The following MYO16 variants were observed in gnomAD, a reference collection of about 807,000 sequenced individuals.
MYO16 encodes the protein unconventional myosin-XVI.
In MYO16, 94 loss-of-function variants were observed where a neutral mutation model predicts 205.3. The observed-to-expected ratio is 0.46, with a 90% CI of 0.39 to 0.54. The LOEUF is 0.54. Among genes scored for constraint, MYO16 ranks in the 20% least tolerant of loss-of-function variants. MYO16 has a pLI of 0.00. For missense variants in MYO16, 2,315 were observed against 2,387.5 expected (o/e 0.97, Z 0.63); for synonymous variants, 988 against 954.0 (o/e 1.04, Z -0.66).
chr13:109,031,736 C>T (rs1156504103), intron 23 of MYO16, among the ~76,000 whole-genome samples: 1 of 152,084 alleles, frequency 6.6e-6, no homozygotes, highest in Non-Finnish European at 1.5e-5. Context: ...AAAATATATT[C>T]GGCAAGATTA....
At chr13:109,056,838 T>A (rs1338357504) in intron 27 of MYO16, among the ~76,000 whole-genome samples, 1 of 152,140 alleles carries the variant, frequency 6.6e-6, no homozygotes, top group Non-Finnish European at 1.5e-5. Flanking sequence ...TAATTCTATA[T>A]AAAATAAATG....
intron 4 of MYO16, among the ~76,000 whole-genome samples, chr13:108,770,495 A>C (rs1885926080): frequency 6.6e-6 from 1 of 152,156 alleles, no homozygotes; most frequent in Non-Finnish European, 1.5e-5. Flanking sequence ...CGTGCCTTTT[A>C]AAAAATCTGT....
the MYO16 span, among the ~76,000 whole-genome samples, chr13:108,561,547 G>C: frequency 3.3e-5 from 5 of 152,160 alleles, no homozygotes; most frequent in Non-Finnish European, 7.3e-5. Flanking sequence ...CTGAAACTGA[G>C]GTTAGGTATT....
chr13:108,550,853 G>T, the MYO16 span, among the ~76,000 whole-genome samples: 2 of 152,158 alleles, frequency 1.3e-5, no homozygotes, highest in South Asian at 4.1e-4. Flanking sequence ...ATGGTAACTT[G>T]CTCCTTGACA....
At chr13:109,132,680 C>T (rs1216787306) in intron 31 of MYO16, among the ~76,000 whole-genome samples, 1 of 152,112 alleles carries the variant, frequency 6.6e-6, no homozygotes, top group Non-Finnish European at 1.5e-5. Context: ...TAACAGAAGC[C>T]CTTTAAAAAA....
intron 32 of MYO16, among the ~76,000 whole-genome samples, chr13:109,156,810 G>C (rs1473867823): frequency 6.6e-6 from 1 of 152,092 alleles, no homozygotes; most frequent in Non-Finnish European, 1.5e-5. Flanking sequence ...CTGCCCTCCT[G>C]CACGGCAGTC....
At chr13:108,761,555 T>C (rs1341789032) in intron 4 of MYO16, among the ~76,000 whole-genome samples, 7 of 152,012 alleles carry the variant, frequency 4.6e-5, no homozygotes, top group Non-Finnish European at 8.8e-5. Context: ...CAATCTGAGA[T>C]TGGGAAAAAT....
At chr13:109,177,278 C>G (rs1426993011) in intron 33 of MYO16, among the ~76,000 whole-genome samples, 1 of 152,174 alleles carries the variant, frequency 6.6e-6, no homozygotes, top group Non-Finnish European at 1.5e-5. Flanking sequence ...TGTGTTTGGC[C>G]TCAGTGCCAT....
At chr13:108,859,100 T>A (rs1193809580) in intron 11 of MYO16, among the ~76,000 whole-genome samples, 1 of 152,192 alleles carries the variant, frequency 6.6e-6, no homozygotes, top group Non-Finnish European at 1.5e-5. Flanking sequence ...CTCCACAAAC[T>A]TACCACTCTC....
chr13:109,042,796 A>T (rs1217339772), intron 23 of MYO16, among the ~76,000 whole-genome samples: 1 of 152,186 alleles, frequency 6.6e-6, no homozygotes, highest in African/African-American at 2.4e-5. Flanking sequence ...TGATATCACA[A>T]AAATAATTAA....
At chr13:109,089,164 G>A (rs999100447) in intron 27 of MYO16, among the ~76,000 whole-genome samples, 1 of 151,116 alleles carries the variant, frequency 6.6e-6, no homozygotes, top group East Asian at 1.9e-4. Context: ...GAATAGCATA[G>A]AGTCTTGCCT....
intron 4 of MYO16, among the ~76,000 whole-genome samples, chr13:108,773,665 C>T (rs906342236): frequency 5.3e-5 from 8 of 152,150 alleles, no homozygotes; most frequent in Admixed American, 6.5e-5. Context: ...GATCCTATTT[C>T]CAAATAAAGC....
chr13:108,551,631 T>A, the MYO16 span, among the ~76,000 whole-genome samples: 1 of 152,180 alleles, frequency 6.6e-6, no homozygotes, highest in Non-Finnish European at 1.5e-5. Context: ...ATGATCATAT[T>A]TTTTTGCTCC....
At chr13:109,002,683 A>G (rs1317380963) in intron 21 of MYO16, among the ~76,000 whole-genome samples, 1 of 152,230 alleles carries the variant, frequency 6.6e-6, no homozygotes, top group African/African-American at 2.4e-5. Flanking sequence ...GTTGTTTTCC[A>G]TTGAAGCCAA....
rs561196863 is a variant in MYO16 at position 108,816,323 on chromosome 13, G to A, written c.868-4014G>A. Reference sequence around the variant, plus strand: ...AATATGACGAGGCAAGCCACAGAATGGGATGAAATATATGTAATACTAAAC... The same window carrying A: ...AATATGACGAGGCAAGCCACAGAATAGGATGAAATATATGTAATACTAAAC... On this transcript the variant is annotated intron_variant, in intron 7 of 34. Coordinates refer to ENST00000457511, the MANE Select transcript of MYO16 (RefSeq NM_001198950.3). 1.2e-3 allele frequency among the ~76,000 whole-genome samples: 188 copies of A among 152,128 alleles called. 1 individual carries two copies. The highest frequency in any genetic ancestry group is 2.1e-3 in the Non-Finnish European group (143 of 68,002).
intron 1 of MYO16, among the ~76,000 whole-genome samples, chr13:108,663,850 G>T (rs953650200): frequency 5.3e-5 from 8 of 152,224 alleles, no homozygotes; most frequent in Middle Eastern, 3.4e-3. Context: ...TTGTGGCCCT[G>T]TTGATCCCCT....
rs1322968415 is a variant in MYO16 at position 109,100,785 on chromosome 13, G to T, written c.3336G>T (p.Arg1112Ser). 3.1e-6 allele frequency: 5 copies of T among 1,610,848 alleles called. No individual in the cohort carries two copies. The Admixed American group carries it at 8.3e-5, about 27-fold the overall frequency. ...TTTCTGTCTCTGCTGCTTTTCACAG[G>T]TATAAGCCACTGGCTGATACATTCC... ...VRLSFSDFLS[R>S]YKPLADTFLR... The change falls in exon 28 of 35, where the codon AGG (arginine) becomes AGT (serine). Residue 1112 changes from arginine (R) to serine (S), a missense_variant and splice_region_variant. Physicochemically the swap from Arg to Ser is moderately radical, Grantham distance 110. This residue lies in a region of MYO16 where 1,097 missense variants were observed against 1,092.0 expected (regional missense o/e 1.00). Transcript: ENST00000457511.
At chr13:109,205,531 A>G (rs1441055071) in intron 34 of MYO16, among the ~76,000 whole-genome samples, 3 of 152,220 alleles carry the variant, frequency 2.0e-5, no homozygotes, top group Non-Finnish European at 4.4e-5. Flanking sequence ...AGGATGAGTC[A>G]TCTCATTTCC....
intron 2 of MYO16, among the ~76,000 whole-genome samples, chr13:108,683,725 A>G (rs2139475787): frequency 6.6e-6 from 1 of 152,352 alleles, no homozygotes; most frequent in African/African-American, 2.4e-5. Context: ...ACAATTTTAC[A>G]TCCCATTTGA....
Sources: allele counts gnomAD v4.1 joint callset (sites outside exome capture counted in the v4.1 genomes callset), GRCh38; gene constraint gnomAD v4.1.1; regional missense constraint gnomAD v4.1.1; transcripts MANE v1.5; gene names NCBI Gene and HGNC (gene_info 2026-07-23, HGNC 2026-07-21).